Variants in PPP2R2C observed in about 807,000 individuals in gnomAD.
PPP2R2C encodes protein phosphatase 2, regulatory subunit B, gamma.
In PPP2R2C, 10 loss-of-function variants were observed where a neutral mutation model predicts 45.3. The observed-to-expected ratio is 0.22, with a 90% CI of 0.14 to 0.37. The LOEUF (loss-of-function observed/expected upper bound fraction) is 0.37, where lower values mean the gene tolerates loss of function less well. Ranked by LOEUF, PPP2R2C falls within the 10% of genes least tolerant of loss-of-function variation. The pLI is 1.00. For synonymous variants in PPP2R2C, 257 were observed against 245.4 expected (o/e 1.05, Z -0.44); for missense variants, 308 against 619.7 (o/e 0.50, Z 5.34).
chr4:6,489,222 T>A (rs911902372), intron 2 of PPP2R2C, among the ~76,000 whole-genome samples: 4 of 152,252 alleles, frequency 2.6e-5, no homozygotes, highest in African/African-American at 9.6e-5. Flanking sequence ...CATCATTCAA[T>A]GATCACTTTC....
chr4:6,511,525 ATGGTGGTGG>A (rs758738312), intron 2 of PPP2R2C, among the ~76,000 whole-genome samples: 2 of 4,660 alleles, frequency 4.3e-4, no homozygotes, highest in African/African-American at 1.3e-3. Flanking sequence ...GGTGGTGGTG[ATGGTGGTGG>A]TGGTGGTGGT....
chr4:6,402,604 C>T (rs1358677050), intron 1 of PPP2R2C, among the ~76,000 whole-genome samples: 10 of 152,210 alleles, frequency 6.6e-5, no homozygotes, highest in Non-Finnish European at 7.3e-5. Flanking sequence ...GGACATGGAG[C>T]GGCTTCTGCC....
At chr4:6,448,254 T>G (rs1720540791) in intron 1 of PPP2R2C, among the ~76,000 whole-genome samples, 1 of 152,138 alleles carries the variant, frequency 6.6e-6, no homozygotes, top group South Asian at 2.1e-4. Context: ...GATCCCTGCT[T>G]TACTGATGGG....
At chr4:6,362,721 A>ACAG (rs376671570) in intron 5 of PPP2R2C, among the ~76,000 whole-genome samples, 1 of 152,302 alleles carries the variant, frequency 6.6e-6, no homozygotes, top group African/African-American at 2.4e-5. Context: ...CTGAAATGCA[A>ACAG]CAGCGGCATC....
intron 2 of PPP2R2C, among the ~76,000 whole-genome samples, chr4:6,484,504 T>C (rs1348192303): frequency 8.2e-5 from 12 of 146,904 alleles, no homozygotes; most frequent in African/African-American, 3.2e-4. Flanking sequence ...AATGAGTTTT[T>C]CAGTTTCTTA....
At chr4:6,529,333 C>G (rs1033974754) in intron 2 of PPP2R2C, among the ~76,000 whole-genome samples, 14 of 152,246 alleles carry the variant, frequency 9.2e-5, no homozygotes, top group African/African-American at 3.4e-4. Context: ...TCCCCTGCAG[C>G]CCTGGCCTCT....
chr4:6,511,524 GAT>G (rs1723489081), intron 2 of PPP2R2C, among the ~76,000 whole-genome samples: 2 of 16,202 alleles, frequency 1.2e-4, no homozygotes, highest in Non-Finnish European at 3.4e-4. Context: ...TGGTGGTGGT[GAT>G]GGTGGTGGTG....
At chr4:6,383,512 C>A in intron 1 of PPP2R2C, 1 of 1,037,056 alleles carries the variant, frequency 9.6e-7, no homozygotes, top group South Asian at 1.3e-5. Context: ...CCAAGACCTG[C>A]TCTCTCGGCC....
At chr4:6,362,319 G>A (rs895321527) in intron 5 of PPP2R2C, among the ~76,000 whole-genome samples, 3 of 152,134 alleles carry the variant, frequency 2.0e-5, no homozygotes, top group Non-Finnish European at 4.4e-5. Context: ...CAGGCCAAAG[G>A]TCTGGGGCTC....
intron 1 of PPP2R2C, chr4:6,383,938 A>G: frequency 1.0e-6 from 1 of 986,032 alleles, no homozygotes; most frequent in South Asian, 4.7e-5. Context: ...GCAACAGAAA[A>G]GATTGAGAGA....
intron 1 of PPP2R2C, among the ~76,000 whole-genome samples, chr4:6,386,794 G>C (rs1001662559): frequency 2.0e-5 from 3 of 152,212 alleles, no homozygotes; most frequent in Admixed American, 6.5e-5. Context: ...TTAGCAAATA[G>C]AGATTTTTAA....
chr4:6,544,837 T>C (rs1347920537), intron 1 of PPP2R2C, among the ~76,000 whole-genome samples: 3 of 152,236 alleles, frequency 2.0e-5, no homozygotes, highest in African/African-American at 7.2e-5. Flanking sequence ...AAACCAATGC[T>C]ACAATTGGAA....
chr4:6,389,126 A>G, intron 1 of PPP2R2C, among the ~76,000 whole-genome samples: 1 of 152,172 alleles, frequency 6.6e-6, no homozygotes, highest in East Asian at 1.9e-4. Context: ...GCCCTCTCTG[A>G]GCCCTGACTG....
rs546899586 is a variant in PPP2R2C, at chr4:6,384,128, G to A, written c.71-3034C>T. On this transcript the variant is annotated intron_variant, in intron 1 of 8. Coordinates refer to ENST00000382599, the MANE Select transcript of PPP2R2C (RefSeq NM_020416.4). ...CCAGCTGTCCTGACATTGTCCCTCC[G>A]TGGGGCAGCCTGCCCTGGCCCAGGG... 196 of 985,254 alleles carry A rather than the reference G, an allele frequency of 2.0e-4. 2 individuals carry two copies. In the South Asian group the frequency reaches 7.1e-3, roughly 35 times the overall value. The allele number at this position is 985,254 out of a possible 1,614,324, so 61.0% of individuals were successfully genotyped here.
chr4:6,362,041 G>C (rs1039023211), intron 5 of PPP2R2C, among the ~76,000 whole-genome samples: 2 of 152,088 alleles, frequency 1.3e-5, no homozygotes, highest in African/African-American at 2.4e-5. Flanking sequence ...TGTGTTGGAG[G>C]GGGTGAGGGG....
chr4:6,420,039 C>T (rs775417067), intron 1 of PPP2R2C, among the ~76,000 whole-genome samples: 29 of 152,334 alleles, frequency 1.9e-4, no homozygotes, highest in African/African-American at 5.3e-4. Flanking sequence ...CACATTTAAA[C>T]GCACGACAGT....
Position 6,333,585 on chromosome 4 carries a change from C to A in PPP2R2C, c.937G>T (p.Ala313Ser). 6.2e-7 allele frequency: 1 copy of A among 1,614,092 alleles called. No individual in the cohort carries two copies. The highest frequency in any genetic ancestry group is 1.1e-5 in the South Asian group (1 of 91,076). Residue 313 changes from alanine (A) to serine (S), a missense_variant, in exon 7 of 9, where the codon GCA (alanine) becomes TCA (serine). Ala to Ser is a moderately conservative substitution (Grantham distance 99). Coordinates refer to ENST00000382599, the MANE Select transcript of PPP2R2C (RefSeq NM_020416.4). ...TVKVWDLNME[A>S]RPIETYQVHD... ...ACCTGGTAGGTCTCTATGGGTCTTGCCTCCATGTTCAGGTCCCAGACCTTG... is the reference window on the plus strand; with the variant it reads ...ACCTGGTAGGTCTCTATGGGTCTTGACTCCATGTTCAGGTCCCAGACCTTG...
chr4:6,405,225 G>A (rs1032939571), intron 1 of PPP2R2C, among the ~76,000 whole-genome samples: 1 of 152,168 alleles, frequency 6.6e-6, no homozygotes, highest in African/African-American at 2.4e-5. Context: ...CAAGCGAGCG[G>A]GTTCCCCAGG....
chr4:6,388,418 T>A (rs1424155626), intron 1 of PPP2R2C, among the ~76,000 whole-genome samples: 1 of 152,166 alleles, frequency 6.6e-6, no homozygotes, highest in East Asian at 1.9e-4. Context: ...CTGGTACCTA[T>A]GAATGGGAAC....
Sources: allele counts gnomAD v4.1 joint callset (sites outside exome capture counted in the v4.1 genomes callset), GRCh38; gene constraint gnomAD v4.1.1; transcripts MANE v1.5; gene names NCBI Gene and HGNC (gene_info 2026-07-23, HGNC 2026-07-21).